Variants in PCDHGA2 observed in about 807,000 individuals in gnomAD.
PCDHGA2 encodes the protein protocadherin gamma-A2.
Under a neutral mutation model 59.2 loss-of-function variants are expected in PCDHGA2, and 40 were observed. The observed-to-expected ratio is 0.68, with a 90% confidence interval of 0.52 to 0.88. The LOEUF is 0.88. Among genes scored for constraint, PCDHGA2 ranks in the 40% least tolerant of loss-of-function variants. The probability of loss-of-function intolerance (pLI) is 0.00; values close to 1 mark genes in which losing one functional copy is unlikely to be tolerated. For missense variants in PCDHGA2, 1,226 were observed against 1,204.0 expected (o/e 1.02, Z -0.27); for synonymous variants, 560 against 526.0 (o/e 1.06, Z -0.89).
At chr5:141,350,964 A>G in intron 1 of PCDHGA2, 1 of 1,614,088 alleles carries the variant, frequency 6.2e-7, no homozygotes, top group South Asian at 1.1e-5. Flanking sequence ...GCCAATGATA[A>G]TGCTCCCGTG....
chr5:141,362,320 C>T, intron 1 of PCDHGA2: 1 of 1,614,074 alleles, frequency 6.2e-7, no homozygotes, highest in South Asian at 1.1e-5. Flanking sequence ...CTGTTTTCAG[C>T]CTGGTCTCAG....
At chr5:141,508,193 C>T (rs1426786164) in intron 3 of PCDHGA2, 1 of 152,326 alleles carries the variant, frequency 6.6e-6, no homozygotes, top group Non-Finnish European at 1.5e-5. Flanking sequence ...ATCACCCCCA[C>T]CTCGTCCAGG....
rs745516293 is a variant in PCDHGA2, at chr5:141,382,909, C to T, written c.2424+41514C>T. 11 of 1,546,196 alleles carry T rather than the reference C, an allele frequency of 7.1e-6. No homozygotes were observed. The South Asian group carries it at 1.4e-4, about 19-fold the overall frequency. On this transcript the variant is annotated intron_variant, in intron 1 of 3. Transcript: ENST00000394576. Reference sequence around the variant, plus strand: ...GAGAAGCAGGACGACTATGGCGGCTCAGCCGAGGGGCGGGGACTACAGAGG... The same window carrying T: ...GAGAAGCAGGACGACTATGGCGGCTTAGCCGAGGGGCGGGGACTACAGAGG...
chr5:141,474,961 A>G (rs1395755491), intron 1 of PCDHGA2, among the ~76,000 whole-genome samples: 1 of 152,254 alleles, frequency 6.6e-6, no homozygotes, highest in South Asian at 2.1e-4. Flanking sequence ...TCACTATCCT[A>G]ATCATTATAA....
intron 1 of PCDHGA2, among the ~76,000 whole-genome samples, chr5:141,449,708 A>G (rs2098652470): frequency 6.6e-6 from 1 of 151,418 alleles, no homozygotes; most frequent in African/African-American, 2.4e-5. Context: ...CAAACACATT[A>G]TTTTTATATG....
intron 1 of PCDHGA2, chr5:141,355,879 A>G: frequency 6.2e-7 from 1 of 1,613,334 alleles, no homozygotes; most frequent in Non-Finnish European, 8.5e-7. Context: ...TGGCACTGCC[A>G]GGATTCTCAT....
intron 1 of PCDHGA2, chr5:141,346,130 G>C (rs762061396): frequency 7.7e-5 from 125 of 1,613,802 alleles, no homozygotes; most frequent in Non-Finnish European, 9.8e-5. Flanking sequence ...CGGTGGCCGC[G>C]GTCTCCTGCG....
intron 1 of PCDHGA2, among the ~76,000 whole-genome samples, chr5:141,492,876 G>A (rs2099744774): frequency 6.6e-6 from 1 of 152,184 alleles, no homozygotes; most frequent in African/African-American, 2.4e-5. Context: ...TCAACCCCCA[G>A]AGATACAGGC....
chr5:141,424,100 G>A (rs1362239131), intron 1 of PCDHGA2: 1 of 832,456 alleles, frequency 1.2e-6, no homozygotes, highest in East Asian at 1.2e-4. Flanking sequence ...TGCTATTACT[G>A]CTAATGTTCA....
intron 2 of PCDHGA2, among the ~76,000 whole-genome samples, chr5:141,504,621 T>A (rs1185981312): frequency 7.9e-6 from 1 of 126,856 alleles, no homozygotes; most frequent in Non-Finnish European, 1.6e-5. Flanking sequence ...GATAGGAAAG[T>A]GCACCTTGGA....
intron 2 of PCDHGA2, among the ~76,000 whole-genome samples, chr5:141,499,234 A>G (rs1294400331): frequency 6.6e-6 from 1 of 152,008 alleles, no homozygotes; most frequent in Non-Finnish European, 1.5e-5. Flanking sequence ...AGCTGTCCCC[A>G]GCCTCTGCAC....
chr5:141,378,889 T>C (rs185717248), intron 1 of PCDHGA2: 2 of 152,352 alleles, frequency 1.3e-5, no homozygotes, highest in Admixed American at 6.5e-5. Flanking sequence ...ACTAAGGAGA[T>C]AGGAGATTCT....
At chr5:141,451,352 A>G (rs2098714151) in intron 1 of PCDHGA2, among the ~76,000 whole-genome samples, 1 of 152,232 alleles carries the variant, frequency 6.6e-6, no homozygotes, top group Non-Finnish European at 1.5e-5. Flanking sequence ...AAGGGTCAAC[A>G]GAGGATGGAT....
intron 1 of PCDHGA2, chr5:141,379,407 A>G (rs750448486): frequency 1.2e-4 from 18 of 152,228 alleles, no homozygotes; most frequent in Admixed American, 2.6e-4. Flanking sequence ...AATCTTGGAT[A>G]TTAGTCTCAT....
intron 1 of PCDHGA2, among the ~76,000 whole-genome samples, chr5:141,469,923 G>A (rs1251812588): frequency 1.3e-5 from 2 of 152,200 alleles, no homozygotes; most frequent in Non-Finnish European, 2.9e-5. Flanking sequence ...CCGAGGTCAG[G>A]AGTTTGAGAC....
Position 141,405,029 on chromosome 5 carries a change from C to G in PCDHGA2, c.2424+63634C>G, listed in dbSNP as rs565871444. 16 of 1,613,976 alleles carry G rather than the reference C, an allele frequency of 9.9e-6. No individual in the cohort carries two copies. The Admixed American group carries it at 1.0e-4, about 10-fold the overall frequency. On this transcript the variant is annotated intron_variant, in intron 1 of 3. Coordinates refer to ENST00000394576, the MANE Select transcript of PCDHGA2 (RefSeq NM_018915.4). ...GGAGGCCTCAGACCTTACCCTCTAC[C>G]TCGTTGTGGCTGTGGCAGTCGTCTC...
intron 1 of PCDHGA2, among the ~76,000 whole-genome samples, chr5:141,458,512 TG>T (rs995261761): frequency 1.3e-5 from 2 of 150,194 alleles, no homozygotes; most frequent in East Asian, 1.9e-4. Flanking sequence ...TTTGACACTT[TG>T]TTTTTTTTTT....
chr5:141,462,336 T>C (rs2099037439), intron 1 of PCDHGA2, among the ~76,000 whole-genome samples: 1 of 152,238 alleles, frequency 6.6e-6, no homozygotes, highest in African/African-American at 2.4e-5. Flanking sequence ...TTTAATTGTA[T>C]TGTGATCCAA....
In PCDHGA2 at chr5:141,353,262, A is replaced by G. The variant is rs1401418030; in HGVS notation, c.2424+11867A>G. On this transcript the variant is annotated intron_variant, in intron 1 of 3. Transcript: ENST00000394576. ...AGTGCCTTTTCTTAGTTGATATGCA[A>G]TACTATATTTTCAAGTCATTTTATT... Among the ~76,000 whole-genome samples, 4 of 152,180 alleles carry G rather than the reference A, an allele frequency of 2.6e-5. No individual in the cohort carries two copies. In the East Asian group the frequency reaches 7.7e-4, roughly 29 times the overall value.
Sources: allele counts gnomAD v4.1 joint callset (sites outside exome capture counted in the v4.1 genomes callset), GRCh38; gene constraint gnomAD v4.1.1; transcripts MANE v1.5; gene names NCBI Gene and HGNC (gene_info 2026-07-23, HGNC 2026-07-21).